PDZD2: variants seen among roughly 807,000 people sequenced by gnomAD.
The protein encoded by PDZD2 is PDZ domain containing 2, also known as PDZ domain-containing protein 2.
In PDZD2, 90 loss-of-function variants were observed where a neutral mutation model predicts 220.7. The ratio of observed to expected loss-of-function variants is 0.41; its 90% CI spans 0.34 to 0.49. The LOEUF (loss-of-function observed/expected upper bound fraction) is 0.49, where lower values mean the gene tolerates loss of function less well. PDZD2 is among the 20% of genes least tolerant of loss of function. The pLI, the probability that PDZD2 is intolerant of heterozygous loss-of-function variation, is 0.28. For synonymous variants in PDZD2, 1,375 were observed against 1,450.5 expected (o/e 0.95, Z 1.18); for missense variants, 3,174 against 3,608.5 (o/e 0.88, Z 3.08).
intron 2 of PDZD2, among the ~76,000 whole-genome samples, chr5:31,938,669 AAAG>A (rs140802124): frequency 0.12 from 18,221 of 152,012 alleles, 1,363 homozygotes; most frequent in South Asian, 0.24. Context: ...TGGAAAAAAA[AAAG>A]ATGTTTTTTG....
At chr5:31,773,129 G>A (rs1038680067) in intron 1 of PDZD2, among the ~76,000 whole-genome samples, 1 of 152,186 alleles carries the variant, frequency 6.6e-6, no homozygotes, top group African/African-American at 2.4e-5. Flanking sequence ...CGTTGGTACA[G>A]GGAGCATGTA....
At chr5:31,924,330 T>C (rs1744551644) in intron 2 of PDZD2, among the ~76,000 whole-genome samples, 1 of 152,218 alleles carries the variant, frequency 6.6e-6, no homozygotes. Flanking sequence ...TGTGCTAGAA[T>C]GTAATTGTCT....
chr5:31,776,250 G>GT (rs1179936838), intron 1 of PDZD2, among the ~76,000 whole-genome samples: 1 of 151,984 alleles, frequency 6.6e-6, no homozygotes, highest in Admixed American at 6.5e-5. Flanking sequence ...ACCAAGACCA[G>GT]TTAACTGTGC....
chr5:32,061,022 A>C lies in PDZD2; in HGVS notation c.2339A>C (p.Glu780Ala). Residue 780 changes from glutamate to alanine, a missense_variant, in exon 14 of 25, where the codon GAA becomes GCA. Physicochemically the swap from Glu to Ala is moderately radical, Grantham distance 107 (BLOSUM62 -1). Transcript: ENST00000438447. ...SNLSRGDQIL[E>A]VNSVNVRHAA... is the part of the protein sequence containing the mutation. ...CCTAGCCGCGGGGATCAAATCCTGG[A>C]AGTGAACTCCGTCAACGTCCGCCAT... 6.2e-7 allele frequency: 1 copy of C among 1,614,168 alleles called. No homozygotes were observed. Among genetic ancestry groups the C allele is most frequent in the Non-Finnish European group, 8.5e-7 (1 of 1,180,012 alleles).
chr5:31,904,994 A>G (rs1367070106), intron 2 of PDZD2, among the ~76,000 whole-genome samples: 1 of 151,738 alleles, frequency 6.6e-6, no homozygotes, highest in Admixed American at 6.6e-5. Flanking sequence ...TTGGAGACAG[A>G]GTCTTGCTCT....
chr5:31,870,458 G>C (rs1383121542), intron 2 of PDZD2, among the ~76,000 whole-genome samples: 1 of 152,138 alleles, frequency 6.6e-6, no homozygotes, highest in Non-Finnish European at 1.5e-5. Flanking sequence ...TGCTTTAGAG[G>C]TCAGCTAAGG....
chr5:32,043,666 C>T (rs900237683), intron 7 of PDZD2, among the ~76,000 whole-genome samples: 1 of 152,168 alleles, frequency 6.6e-6, no homozygotes, highest in Admixed American at 6.5e-5. Flanking sequence ...TTGTTCTTGT[C>T]TCCCAGGCTG....
chr5:32,048,427 G>A (rs533826731), intron 7 of PDZD2, 112 bp from the exon 8 acceptor site: 8 of 831,624 alleles, frequency 9.6e-6, no homozygotes, highest in African/African-American at 3.4e-5. Flanking sequence ...TGGACGCTAG[G>A]CTTCTCAAAA....
intron 1 of PDZD2, among the ~76,000 whole-genome samples, chr5:31,798,166 G>A (rs796785308): frequency 1.3e-5 from 2 of 152,322 alleles, no homozygotes; most frequent in African/African-American, 4.8e-5. Context: ...TAAAAGCAAG[G>A]CAAAGAAGGC....
At position 32,107,962 on chromosome 5, in the gene PDZD2, C is replaced by T; in HGVS notation, c.8354-7C>T. The T allele has an allele frequency of 6.2e-7, 1 of 1,607,038 alleles. No individual in the cohort carries two copies. Among genetic ancestry groups the T allele is most frequent in the Non-Finnish European group, 8.5e-7 (1 of 1,174,860 alleles). Reference sequence around the variant, plus strand: ...AGCTATTAATTATTCTGTGTTTATTCTCGTAGGTGGTGCGGCTGAACAAGC... The same window carrying T: ...AGCTATTAATTATTCTGTGTTTATTTTCGTAGGTGGTGCGGCTGAACAAGC... On this transcript the variant is annotated splice_region_variant and splice_polypyrimidine_tract_variant and intron_variant, in intron 24 of 24. Coordinates refer to ENST00000438447, the MANE Select transcript of PDZD2 (RefSeq NM_178140.4).
chr5:32,061,099 G>T lies in PDZD2; in HGVS notation c.2416G>T (p.Val806Phe). ...AILSKCPPGP[V>F]RLVIGRHPNP... Reference sequence around the variant, plus strand: ...CTTGAGTAAATGCCCTCCAGGACCCGTTCGCCTTGTCATCGGCCGGCACCC... The same window carrying T: ...CTTGAGTAAATGCCCTCCAGGACCCTTTCGCCTTGTCATCGGCCGGCACCC... The change falls in exon 14 of 25, where the codon GTT becomes TTT. Residue 806 changes from valine (V) to phenylalanine (F), a missense_variant. Around this residue, in one of 4 missense-constraint regions of PDZD2, gnomAD observed 1,861 missense variants for 2,001.0 expected, o/e 0.93. Transcript: ENST00000438447. The T allele has an allele frequency of 6.2e-7, 1 of 1,614,084 alleles. No homozygotes were observed.
intron 1 of PDZD2, among the ~76,000 whole-genome samples, chr5:31,692,247 C>A (rs904375444): frequency 6.6e-6 from 1 of 152,204 alleles, no homozygotes; most frequent in Non-Finnish European, 1.5e-5. Flanking sequence ...CCGGTGGGGC[C>A]GGCCGGGCGA....
chr5:32,108,430 C>CTTTCTTTA lies in PDZD2; in HGVS notation c.*298_*299insCTTTATTT, dbSNP rs1404691778. On this transcript the variant is annotated 3_prime_UTR_variant, in exon 25 of 25. Coordinates refer to ENST00000438447, the MANE Select transcript of PDZD2 (RefSeq NM_178140.4). Reference sequence around the variant, plus strand: ...GGGATACAAGATGTGACACACCCTTCTTTATTTGAAACAAACAAACATTTA... The same window carrying CTTTCTTTA: ...GGGATACAAGATGTGACACACCCTTCTTTCTTTATTTATTTGAAACAAACAAACATTTA... The CTTTCTTTA allele has an allele frequency of 4.9e-6, 1 of 203,606 alleles. No individual in the cohort carries two copies. The highest frequency in any genetic ancestry group is 2.3e-5 in the African/African-American group (1 of 43,356). The allele number at this position is 203,606 out of a possible 1,614,324, so 12.6% of individuals were successfully genotyped here.
At chr5:31,842,744 A>T (rs1452008264) in intron 2 of PDZD2, among the ~76,000 whole-genome samples, 3 of 152,246 alleles carry the variant, frequency 2.0e-5, no homozygotes, top group Non-Finnish European at 4.4e-5. Flanking sequence ...TTAAGAAGTT[A>T]TAGAAGTCTT....
chr5:32,073,239 T>G (rs1740927541), intron 17 of PDZD2, among the ~76,000 whole-genome samples: 1 of 152,222 alleles, frequency 6.6e-6, no homozygotes, highest in Non-Finnish European at 1.5e-5. Flanking sequence ...TAGAAACATT[T>G]CAAGGTGCAA....
Position 32,073,872 on chromosome 5 carries a change from G to A in PDZD2, c.2766G>A (p.Val922=). 6.2e-7 allele frequency: 1 copy of A among 1,613,844 alleles called. No individual in the cohort carries two copies. The highest frequency in any genetic ancestry group is 8.5e-7 in the Non-Finnish European group (1 of 1,179,912). The change falls in exon 18 of 25, where the codon GTG becomes GTA. Residue 922 remains valine, a synonymous_variant. Coordinates refer to ENST00000438447, the MANE Select transcript of PDZD2 (RefSeq NM_178140.4). ...GAAAACCCAGAGCCAACAGCCTCGT[G>A]ACTCTTGGGAGCCATCGGGCTTCTG... The part of the protein sequence containing the change: ...EPGKPRANSL[V]TLGSHRASGL...
intron 8 of PDZD2, among the ~76,000 whole-genome samples, chr5:32,051,879 C>T (rs1032135823): frequency 3.3e-5 from 5 of 152,098 alleles, no homozygotes; most frequent in Admixed American, 1.3e-4. Context: ...AGTTTTTGAT[C>T]GAGTGAGTTA....
rs1488819195 is a variant in PDZD2, at chr5:32,089,402, C to T, written c.5954C>T (p.Pro1985Leu). 1.2e-6 allele frequency: 2 copies of T among 1,614,050 alleles called. No homozygotes were observed. Among genetic ancestry groups the T allele is most frequent in the Non-Finnish European group, 1.7e-6 (2 of 1,180,030 alleles). Residue 1985 changes from proline to leucine, a missense_variant, in exon 20 of 25, where the codon CCC becomes CTC. By Grantham distance (98) the Pro-to-Leu change is moderately conservative. Around this residue, in one of 4 missense-constraint regions of PDZD2, gnomAD observed 1,861 missense variants for 2,001.0 expected, o/e 0.93. Transcript: ENST00000438447. ...ACGAGCATCAGGACATTTGTCTCGC[C>T]CCTGACCTCTCCCAAGCCTGTTCCT... ...SDTSIRTFVS[P>L]LTSPKPVPEQ...
In PDZD2 at chr5:32,097,478, G is replaced by A. The variant is rs910661476; in HGVS notation, c.7947+98G>A. ...ATTCCAATCAGCGGGTTCAGAGATT[G>A]CTGGATTTCATTCCCAGCTACCAAC... On this transcript the variant is annotated intron_variant, in intron 22 of 24. Transcript: ENST00000438447. 68 of 758,164 alleles carry A rather than the reference G, an allele frequency of 9.0e-5. 1 individual carries two copies. The East Asian group carries it at 1.7e-3, about 19-fold the overall frequency. 47.0% of individuals were successfully genotyped at this position (758,164 alleles called of 1,614,324 possible). A position where few individuals can be genotyped will look rare whatever the true frequency, so the allele number is the denominator to read the frequency against.
Sources: gnomAD v4.1 joint callset for allele counts (sites outside exome capture counted in the v4.1 genomes callset) on GRCh38, gnomAD v4.1.1 for gene constraint, gnomAD v4.1.1 regional missense constraint, MANE v1.5 for transcripts, NCBI Gene and HGNC (gene_info 2026-07-23, HGNC 2026-07-21) for gene names.